ARL15: variants seen among roughly 807,000 people sequenced by gnomAD.
ARL15 encodes ARF like GTPase 15.
In ARL15, 19 loss-of-function variants were observed where a neutral mutation model predicts 25.2. The observed-to-expected ratio is 0.75, with a 90% CI of 0.53 to 1.10. ARL15 has a LOEUF of 1.10. Among genes scored for constraint, ARL15 ranks in the 50% least tolerant of loss-of-function variants. The pLI, the probability that ARL15 is intolerant of heterozygous loss-of-function variation, is 0.00. For missense variants in ARL15, 220 were observed against 246.0 expected (o/e 0.89, Z 0.71); for synonymous variants, 94 against 86.8 (o/e 1.08, Z -0.46).
intron 1 of ARL15, among the ~76,000 whole-genome samples, chr5:54,226,954 G>T (rs1561274746): frequency 6.6e-6 from 1 of 151,836 alleles, no homozygotes; most frequent in Non-Finnish European, 1.5e-5. Flanking sequence ...GTCTTATAAG[G>T]GATTTCCCCT....
intron 4 of ARL15, among the ~76,000 whole-genome samples, chr5:54,112,130 A>T (rs1165182805): frequency 1.3e-5 from 2 of 152,074 alleles, no homozygotes; most frequent in East Asian, 1.9e-4. Flanking sequence ...TCTTTTTTTT[A>T]AACTGTGTTT....
Position 54,195,389 on chromosome 5 carries a change from G to A in ARL15, c.49-23461C>T, listed in dbSNP as rs561409057. Among the ~76,000 whole-genome samples the A allele has an allele frequency of 5.3e-5, 8 of 152,238 alleles. No individual in the cohort carries two copies. The South Asian group carries it at 1.7e-3, about 32-fold the overall frequency. ...TAAAAGGTTACAAAACATGGTGATG[G>A]TTTAAATAGCTACTACAACAACTGA... On this transcript the variant is annotated intron_variant, in intron 1 of 4. Transcript: ENST00000504924.
intron 4 of ARL15, among the ~76,000 whole-genome samples, chr5:53,990,339 C>T (rs543875828): frequency 7.9e-5 from 12 of 152,216 alleles, no homozygotes; most frequent in African/African-American, 2.9e-4. Context: ...AGATTTTGTG[C>T]AGATGATAAG....
At chr5:54,233,161 C>T (rs946206615) in intron 1 of ARL15, among the ~76,000 whole-genome samples, 2 of 152,138 alleles carry the variant, frequency 1.3e-5, no homozygotes, top group Admixed American at 6.5e-5. Flanking sequence ...AATCTTGACA[C>T]GTTACTATTC....
chr5:54,289,152 C>T (rs1262297711), intron 1 of ARL15, among the ~76,000 whole-genome samples: 2 of 152,298 alleles, frequency 1.3e-5, no homozygotes, highest in East Asian at 1.9e-4. Flanking sequence ...GATGCCCAAG[C>T]TGAAGCACCA....
chr5:54,113,124 T>C (rs564580809), intron 4 of ARL15, 78 bp downstream of exon 4: 144 of 1,385,484 alleles, frequency 1.0e-4, no homozygotes, highest in Non-Finnish European at 1.0e-4. Context: ...CCTAATTACA[T>C]GCATTTTTCC....
At chr5:54,115,729 T>C (rs903424552) in intron 3 of ARL15, among the ~76,000 whole-genome samples, 1 of 152,156 alleles carries the variant, frequency 6.6e-6, no homozygotes, top group Non-Finnish European at 1.5e-5. Context: ...TGTGAAGACA[T>C]GGGATATGAG....
intron 3 of ARL15, among the ~76,000 whole-genome samples, chr5:54,141,685 A>G (rs551004936): frequency 2.4e-4 from 37 of 152,112 alleles, no homozygotes; most frequent in African/African-American, 8.7e-4. Flanking sequence ...GACCCTTTTA[A>G]TCTCTCTCTT....
chr5:54,195,926 G>C (rs1755536154), intron 1 of ARL15, among the ~76,000 whole-genome samples: 1 of 152,116 alleles, frequency 6.6e-6, no homozygotes, highest in Admixed American at 6.6e-5. Flanking sequence ...TGGCTGCAGA[G>C]TTTCAGTGCT....
intron 4 of ARL15, chr5:54,075,384 T>G (rs1369269631): frequency 6.5e-6 from 1 of 153,236 alleles, no homozygotes; most frequent in African/African-American, 2.4e-5. Flanking sequence ...ACATAATTTT[T>G]CTATCACGGT....
At chr5:53,976,771 T>G (rs1747940687) in intron 4 of ARL15, among the ~76,000 whole-genome samples, 1 of 152,160 alleles carries the variant, frequency 6.6e-6, no homozygotes, top group Non-Finnish European at 1.5e-5. Flanking sequence ...TATACATAGA[T>G]CAAGGGAGGC....
At chr5:54,277,330 G>T (rs974681358) in intron 1 of ARL15, among the ~76,000 whole-genome samples, 3 of 152,044 alleles carry the variant, frequency 2.0e-5, no homozygotes, top group African/African-American at 7.2e-5. Flanking sequence ...AGCAAATCTT[G>T]TAACTAGATA....
chr5:54,257,946 A>C (rs560667245), intron 1 of ARL15, among the ~76,000 whole-genome samples: 17 of 152,164 alleles, frequency 1.1e-4, no homozygotes, highest in Non-Finnish European at 1.0e-4. Context: ...ACTTAAGTGG[A>C]GGTACGGGAA....
intron 4 of ARL15, among the ~76,000 whole-genome samples, chr5:53,982,023 G>A (rs1014088587): frequency 3.9e-5 from 6 of 152,196 alleles, no homozygotes; most frequent in East Asian, 1.9e-4. Context: ...TTTCAAGAGC[G>A]GAATCTTGGA....
intron 4 of ARL15, among the ~76,000 whole-genome samples, chr5:53,901,044 C>T (rs1300330008): frequency 6.6e-6 from 1 of 152,214 alleles, no homozygotes; most frequent in African/African-American, 2.4e-5. Context: ...CATCAGTACA[C>T]TTGTCTTTGC....
intron 4 of ARL15, among the ~76,000 whole-genome samples, chr5:54,103,496 A>G (rs1432806184): frequency 1.3e-5 from 2 of 152,178 alleles, no homozygotes; most frequent in Admixed American, 6.5e-5. Flanking sequence ...AATTCTATAT[A>G]AAGAGATATT....
At chr5:54,268,483 C>T (rs1011052961) in intron 1 of ARL15, among the ~76,000 whole-genome samples, 50 of 152,360 alleles carry the variant, frequency 3.3e-4, no homozygotes, top group Non-Finnish European at 6.0e-4. Flanking sequence ...AGTCATTCTC[C>T]GTCCAGCTTT....
chr5:54,170,796 A>C (rs1400116226), intron 2 of ARL15, among the ~76,000 whole-genome samples: 1 of 152,170 alleles, frequency 6.6e-6, no homozygotes, highest in Non-Finnish European at 1.5e-5. Flanking sequence ...ATGTTTATGC[A>C]GCCAGTATAC....
intron 4 of ARL15, among the ~76,000 whole-genome samples, chr5:54,111,617 A>G (rs1486901494): frequency 6.6e-6 from 1 of 152,146 alleles, no homozygotes. Flanking sequence ...GATATTGCAA[A>G]TAACTTGAAT....
Sources: allele counts gnomAD v4.1 joint callset (sites outside exome capture counted in the v4.1 genomes callset), GRCh38; gene constraint gnomAD v4.1.1; transcripts MANE v1.5; gene names NCBI Gene and HGNC (gene_info 2026-07-23, HGNC 2026-07-21).